The following PLXNA1 variants were observed in gnomAD, a reference collection of about 807,000 sequenced individuals.
PLXNA1 encodes the protein plexin-A1.
A neutral mutation model predicts 191.7 loss-of-function variants in PLXNA1; 77 were observed. That is an observed-to-expected ratio of 0.40 (90% CI 0.33 to 0.49). The LOEUF (loss-of-function observed/expected upper bound fraction) is 0.49. Among genes scored for constraint, PLXNA1 ranks in the 20% least tolerant of loss-of-function variants. PLXNA1 has a pLI of 0.63. For missense variants in PLXNA1, 2,110 were observed against 2,660.2 expected, an observed-to-expected ratio of 0.79 and a Z score of 4.55; for synonymous variants, 1,137 against 1,156.4, an observed-to-expected ratio of 0.98 and a Z score of 0.34.
intron 3 of PLXNA1, among the ~76,000 whole-genome samples, chr3:126,997,284 A>G: frequency 6.6e-6 from 1 of 152,136 alleles, no homozygotes; most frequent in Non-Finnish European, 1.5e-5. Flanking sequence ...TCAGCCTGGG[A>G]GCAAGGCTGT....
chr3:126,985,029 G>A (rs2078951551), intron 1 of PLXNA1, among the ~76,000 whole-genome samples: 1 of 152,136 alleles, frequency 6.6e-6, no homozygotes, highest in South Asian at 2.1e-4. Context: ...CTTCCCCCCC[G>A]GCTGCTGTTG....
chr3:127,033,430 C>T (rs979341376), intron 31 of PLXNA1, among the ~76,000 whole-genome samples: 2 of 152,180 alleles, frequency 1.3e-5, no homozygotes, highest in African/African-American at 2.4e-5. Flanking sequence ...GCAGGTGCAG[C>T]AGAGGCAAGG....
At chr3:127,024,669 T>A (rs2079168438) in intron 23 of PLXNA1, among the ~76,000 whole-genome samples, 1 of 152,078 alleles carries the variant, frequency 6.6e-6, no homozygotes, top group African/African-American at 2.4e-5. Flanking sequence ...TTAGATCTCC[T>A]TAGGTCATCA....
rs1389238550 is a variant in PLXNA1 at position 127,035,342 on chromosome 3, C to T, written c.*1325C>T. ...GACGATTTGAACAAGAAAATGAAGGCAGTGGGAAAGCAATGCCAAATGGTT... is the reference window on the plus strand; with the variant it reads ...GACGATTTGAACAAGAAAATGAAGGTAGTGGGAAAGCAATGCCAAATGGTT... On this transcript the variant is annotated 3_prime_UTR_variant, in exon 32 of 32. Coordinates refer to ENST00000393409, the MANE Select transcript of PLXNA1 (RefSeq NM_032242.4). The T allele has an allele frequency of 1.3e-5, 2 of 152,158 alleles. No individual in the cohort carries two copies. The highest frequency in any genetic ancestry group is 2.9e-5 in the Non-Finnish European group (2 of 68,040). The allele number at this position is 152,158 out of a possible 1,614,324, so 9.4% of individuals were successfully genotyped here.
At chr3:126,985,973 C>G (rs2078957429) in intron 1 of PLXNA1, among the ~76,000 whole-genome samples, 1 of 152,194 alleles carries the variant, frequency 6.6e-6, no homozygotes, top group African/African-American at 2.4e-5. Flanking sequence ...TCCCAGCAGA[C>G]TTTGTTGGGG....
chr3:127,016,141 G>A (rs1374940415), intron 15 of PLXNA1, among the ~76,000 whole-genome samples: 1 of 152,128 alleles, frequency 6.6e-6, no homozygotes, highest in Non-Finnish European at 1.5e-5. Flanking sequence ...TCCCAGCCTG[G>A]CGTGCGTGGG....
intron 23 of PLXNA1, chr3:127,027,738 G>A: frequency 1.4e-6 from 1 of 732,018 alleles, no homozygotes; most frequent in African/African-American, 1.7e-5. Flanking sequence ...TTTGTGGGAT[G>A]GTGGGTATGT....
Position 126,989,384 on chromosome 3 carries a change from A to C in PLXNA1, c.791A>C (p.Asp264Ala), listed in dbSNP as rs1177629114. Residue 264 changes from aspartate to alanine, a missense_variant, in exon 2 of 32, where the codon GAC becomes GCC. Asp to Ala is a moderately radical substitution (Grantham distance 126). This residue lies in a region of PLXNA1 where 903 missense variants were observed against 1,015.7 expected (regional missense o/e 0.89). Transcript: ENST00000393409. ...QFVYYLTLQL[D>A]TQLTSPDAAG... is the part of the protein sequence containing the mutation. Reference sequence around the variant, plus strand: ...GTCTACTACCTCACGCTGCAGCTAGACACACAGCTGACCTCGCCTGATGCC... The same window carrying C: ...GTCTACTACCTCACGCTGCAGCTAGCCACACAGCTGACCTCGCCTGATGCC... 1 of 1,613,572 alleles carries C rather than the reference A, an allele frequency of 6.2e-7. No individual in the cohort carries two copies. The highest frequency in any genetic ancestry group is 1.7e-5 in the Admixed American group (1 of 60,034).
intron 20 of PLXNA1, among the ~76,000 whole-genome samples, chr3:127,019,956 C>T (rs1202008284): frequency 1.3e-5 from 2 of 152,168 alleles, no homozygotes; most frequent in African/African-American, 4.8e-5. Context: ...CCCAGCCTGC[C>T]CCTGGTGCTG....
rs116803582 is a variant in PLXNA1, at chr3:126,997,625, G to A, written c.1378-5705G>A. On this transcript the variant is annotated intron_variant, in intron 3 of 31. Transcript: ENST00000393409. ...TGTGCTTCCTGGTGAGCGTGTGCCC[G>A]CCCCCTTTCCGCCTCTCCTGGATGT... 3.7e-3 allele frequency among the ~76,000 whole-genome samples: 558 copies of A among 152,304 alleles called. 2 individuals are homozygous for A. The highest frequency in any genetic ancestry group is 0.011 in the African/African-American group (468 of 41,580).
At position 127,022,093 on chromosome 3, in the gene PLXNA1, C is replaced by T; in HGVS notation, c.4047C>T (p.Ala1349=). ...HPVLKEMEVQ[A]NVEKSLTLFG... is the part of the protein sequence containing the mutation. Reference sequence around the variant, plus strand: ...TCTGTGTGCTCCCTCAGGTGCAGGCCAATGTGGAGAAGTCGCTGACACTGT... The same window carrying T: ...TCTGTGTGCTCCCTCAGGTGCAGGCTAATGTGGAGAAGTCGCTGACACTGT... The change falls in exon 22 of 32, where the codon GCC becomes GCT. Residue 1349 remains alanine (A), a synonymous_variant. Coordinates refer to ENST00000393409, the MANE Select transcript of PLXNA1 (RefSeq NM_032242.4). The T allele has an allele frequency of 6.2e-7, 1 of 1,612,420 alleles. No homozygotes were observed. The highest frequency in any genetic ancestry group is 8.5e-7 in the Non-Finnish European group (1 of 1,179,562).
rs573038754 is a variant in PLXNA1 at position 127,034,034 on chromosome 3, T to C, written c.*17T>C. 3.2e-6 allele frequency: 5 copies of C among 1,579,066 alleles called. No homozygotes were observed. The South Asian group carries it at 4.6e-5, about 15-fold the overall frequency. On this transcript the variant is annotated 3_prime_UTR_variant, in exon 32 of 32. Coordinates refer to ENST00000393409, the MANE Select transcript of PLXNA1 (RefSeq NM_032242.4). ...AGCAGCTGAGCCCCAGCTGTGATCA[T>C]CCAGCATGATGCAGCGTGAGGACAG...
At chr3:126,983,602 C>G (rs1238082936) in intron 1 of PLXNA1, among the ~76,000 whole-genome samples, 2 of 147,740 alleles carry the variant, frequency 1.4e-5, no homozygotes, top group African/African-American at 4.9e-5. Flanking sequence ...GATCCAGCGC[C>G]GCGGCCTCCC....
At position 127,017,763 on chromosome 3, in the gene PLXNA1, G is replaced by T; in HGVS notation, c.3531G>T (p.Leu1177Phe). 1 of 1,613,172 alleles carries T rather than the reference G, an allele frequency of 6.2e-7. No homozygotes were observed. Among genetic ancestry groups the T allele is most frequent in the Non-Finnish European group, 8.5e-7 (1 of 1,180,006 alleles). ...SPLILKGRNLLPPAPGNSRLN... is the reference protein window; with the variant it reads ...SPLILKGRNLFPPAPGNSRLN... ...ATCTCCTACAGGGCCGGAACCTCTT[G>T]CCACCTGCACCCGGCAACTCCCGAC... The change falls in exon 19 of 32, where the codon TTG (leucine) becomes TTT (phenylalanine). Residue 1177 changes from leucine to phenylalanine, a missense_variant. By Grantham distance (22) the Leu-to-Phe change is conservative (BLOSUM62 0). Coordinates refer to ENST00000393409, the MANE Select transcript of PLXNA1 (RefSeq NM_032242.4).
In PLXNA1 at chr3:127,016,547, A is replaced by C; in HGVS notation, c.3045A>C (p.Thr1015=). ...WRNSREIRCL[T]PPGQSPGSAP... ...ACTCCCGTGAGATCCGGTGCCTGAC[A>C]CCCCCCGGGCAGAGCCCTGGCAGCG... The change falls in exon 16 of 32, where the codon ACA becomes ACC. Residue 1015 remains threonine (T), a synonymous_variant. Transcript: ENST00000393409. The C allele has an allele frequency of 6.2e-7, 1 of 1,613,298 alleles. No homozygotes were observed. Among genetic ancestry groups the C allele is most frequent in the Non-Finnish European group, 8.5e-7 (1 of 1,179,796 alleles).
At chr3:126,986,427 C>T (rs536665678) in intron 1 of PLXNA1, among the ~76,000 whole-genome samples, 136 of 152,344 alleles carry the variant, frequency 8.9e-4, no homozygotes, top group Middle Eastern at 6.8e-3. Context: ...CTGAGAGCCT[C>T]GGTTTCCCCA....
intron 9 of PLXNA1, 34 bp from the exon 10 acceptor site, chr3:127,011,923 GC>G (rs747538561): frequency 1.9e-6 from 3 of 1,593,888 alleles, no homozygotes; most frequent in Admixed American, 1.7e-5. Flanking sequence ...ACTGGTCTCC[GC>G]CCCCGGGCTC....
Position 127,037,174 on chromosome 3 carries a change from T to G in PLXNA1, c.*3157T>G, listed in dbSNP as rs1345567001. On this transcript the variant is annotated 3_prime_UTR_variant, in exon 32 of 32. Coordinates refer to ENST00000393409, the MANE Select transcript of PLXNA1 (RefSeq NM_032242.4). Reference sequence around the variant, plus strand: ...GACAAAGCCCACAATTAGCTGTCCTTTAACACCGCAGAACCCCCTCCCAGA... The same window carrying G: ...GACAAAGCCCACAATTAGCTGTCCTGTAACACCGCAGAACCCCCTCCCAGA... The G allele has an allele frequency of 6.6e-6, 1 of 152,620 alleles. No homozygotes were observed. The highest frequency in any genetic ancestry group is 2.4e-5 in the African/African-American group (1 of 41,454). 9.5% of individuals were successfully genotyped at this position (152,620 alleles called of 1,614,324 possible).
At chr3:127,032,258 G>T (rs975035750) in intron 29 of PLXNA1, 129 bp from the exon 30 acceptor site, 2 of 904,444 alleles carry the variant, frequency 2.2e-6, no homozygotes. Context: ...CTGCACCTCT[G>T]TGGGCCTCGT....
Sources: gnomAD v4.1 joint callset for allele counts (sites outside exome capture counted in the v4.1 genomes callset) on GRCh38, gnomAD v4.1.1 for gene constraint, gnomAD v4.1.1 regional missense constraint, MANE v1.5 for transcripts, NCBI Gene and HGNC (gene_info 2026-07-23, HGNC 2026-07-21) for gene names.